The following CAPRIN1 variants were observed in gnomAD, a reference collection of about 807,000 sequenced individuals.
The protein encoded by CAPRIN1 is cell cycle associated protein 1, also known as caprin-1.
In CAPRIN1, 29 loss-of-function variants were observed where a neutral mutation model predicts 100.9. That is an observed-to-expected ratio of 0.29 (90% CI 0.21 to 0.39). The LOEUF (loss-of-function observed/expected upper bound fraction) is 0.39, where lower values mean the gene tolerates loss of function less well. CAPRIN1 is among the 10% of genes least tolerant of loss of function. CAPRIN1 has a pLI of 1.00. For missense variants in CAPRIN1, 795 were observed against 876.7 expected (o/e 0.91, Z 1.18); for synonymous variants, 338 against 307.5 (o/e 1.10, Z -1.04).
intron 6 of CAPRIN1, among the ~76,000 whole-genome samples, chr11:34,079,323 C>T (rs1196290359): frequency 6.6e-6 from 1 of 152,160 alleles, no homozygotes; most frequent in Non-Finnish European, 1.5e-5. Context: ...TTGCTTGAAT[C>T]TGGGAGGCAG....
chr11:34,098,008 G>T (rs1590750190), intron 18 of CAPRIN1: 1 of 1,175,908 alleles, frequency 8.5e-7, no homozygotes, highest in East Asian at 3.8e-5. Context: ...CTCAGAAAAA[G>T]TGTTTTTCCA....
rs1590750569 is a variant in CAPRIN1 at position 34,098,628 on chromosome 11, AAATT to A, written c.2066-671_2066-668del. The A allele has an allele frequency of 3.0e-6, 3 of 985,418 alleles. No homozygotes were observed. In the East Asian group the frequency reaches 3.4e-4, roughly 112 times the overall value. The allele number at this position is 985,418 out of a possible 1,614,324, so 61.0% of individuals were successfully genotyped here. A position where few individuals can be genotyped will look rare whatever the true frequency, so the allele number is the denominator to read the frequency against. ...CCAGGAAAAAGGTACATTTTTCTAA[AAATT>A]AATGGATCACTTGGGAATTACTGAC... On this transcript the variant is annotated intron_variant, in intron 18 of 18. Coordinates refer to ENST00000341394, the MANE Select transcript of CAPRIN1 (RefSeq NM_005898.5).
chr11:34,068,006 A>G (rs1288691731), intron 2 of CAPRIN1, among the ~76,000 whole-genome samples: 1 of 152,184 alleles, frequency 6.6e-6, no homozygotes, highest in East Asian at 1.9e-4. Context: ...TTTCTTATGC[A>G]CAAAGATTCT....
intron 1 of CAPRIN1, 134 bp from the exon 2 acceptor site, chr11:34,052,287 C>G: frequency 1.4e-6 from 1 of 734,918 alleles, no homozygotes; most frequent in Non-Finnish European, 2.2e-6. Context: ...AGGCGCGCCG[C>G]GCCCCCTCCC....
At position 34,076,407 on chromosome 11, in the gene CAPRIN1, G is replaced by A. The variant is rs550457097; in HGVS notation, c.538G>A (p.Glu180Lys). 6 of 1,614,210 alleles carry A rather than the reference G, an allele frequency of 3.7e-6. No individual in the cohort carries two copies. Among genetic ancestry groups the A allele is most frequent in the East Asian group, 2.2e-5 (1 of 44,882 alleles). ...TTTGAATGGAGTGCCAATATTGTCC[G>A]AAGAGGAGTTGTCATTGTTGGATGA... ...QGLNGVPILSEEELSLLDEFY... is the reference protein window; with the variant it reads ...QGLNGVPILSKEELSLLDEFY... Residue 180 changes from glutamate (E) to lysine (K), a missense_variant, in exon 5 of 19, where the codon GAA (glutamate) becomes AAA (lysine). Glu to Lys is a moderately conservative substitution (Grantham distance 56, BLOSUM62 1). This residue lies in a region of CAPRIN1 where 648 missense variants were observed against 697.9 expected (regional missense o/e 0.93). Coordinates refer to ENST00000341394, the MANE Select transcript of CAPRIN1 (RefSeq NM_005898.5).
chr11:34,057,184 C>G (rs1042013573), intron 2 of CAPRIN1, among the ~76,000 whole-genome samples: 2 of 152,182 alleles, frequency 1.3e-5, no homozygotes, highest in Non-Finnish European at 2.9e-5. Flanking sequence ...GATGTGTTTG[C>G]TTTTCCATGG....
At chr11:34,053,036 G>T in intron 2 of CAPRIN1, 1 of 1,039,938 alleles carries the variant, frequency 9.6e-7, no homozygotes, top group East Asian at 1.1e-4. Context: ...TCCCTGCGCG[G>T]GGGGCTCCGG....
At chr11:34,097,033 T>TA (rs1851381235) in intron 16 of CAPRIN1, among the ~76,000 whole-genome samples, 163 bp from the exon 17 acceptor site, 1 of 152,062 alleles carries the variant, frequency 6.6e-6, no homozygotes, top group Non-Finnish European at 1.5e-5. Context: ...AGTTAGTACT[T>TA]ACAGAAATTT....
At chr11:34,053,202 G>C (rs924329195) in intron 2 of CAPRIN1, 1 of 973,634 alleles carries the variant, frequency 1.0e-6, no homozygotes, top group African/African-American at 1.8e-5. Context: ...CTGCCTTTCC[G>C]GCAGGCCCAT....
chr11:34,089,283 CAAAAAAAAAAAA>C (rs547881239), intron 11 of CAPRIN1, 100 bp from the exon 12 acceptor site: 3,385 of 20,792 alleles, frequency 0.16, 88 homozygotes, highest in Middle Eastern at 0.4. Flanking sequence ...CCCCCCCCCG[CAAAAAAAAAAAA>C]AAAAAAAAAA....
At chr11:34,071,809 AT>A in intron 3 of CAPRIN1, 21 bp downstream of exon 3, 1 of 1,490,890 alleles carries the variant, frequency 6.7e-7, no homozygotes, top group Non-Finnish European at 9.3e-7. Flanking sequence ...TATATTTTTT[AT>A]TTTAGACCTA....
Position 34,101,496 on chromosome 11 carries a change from A to C in CAPRIN1, c.*2129A>C, listed in dbSNP as rs999114561. Among the ~76,000 whole-genome samples the C allele has an allele frequency of 5.3e-5, 8 of 152,210 alleles. No individual in the cohort carries two copies. The highest frequency in any genetic ancestry group is 1.9e-4 in the African/African-American group (8 of 41,458). ...AGGGATGGGGGAGAAAATGCCTTCT[A>C]GGTTTTGAACTTCTATGCATTAGTG... On this transcript the variant is annotated 3_prime_UTR_variant, in exon 19 of 19. Coordinates refer to ENST00000341394, the MANE Select transcript of CAPRIN1 (RefSeq NM_005898.5).
chr11:34,090,183 C>T lies in CAPRIN1; in HGVS notation c.1298C>T (p.Pro433Leu). ...TATTTCTTTACTTATGTCTAGGTTC[C>T]TTTGGTATCATCCACAAGTGAGGGG... ...VPVQPEATQV[P>L]LVSSTSEGYT... The change falls in exon 13 of 19, where the codon CCT becomes CTT. Residue 433 changes from proline to leucine, a missense_variant. Around this residue, in one of 3 missense-constraint regions of CAPRIN1, gnomAD observed 648 missense variants for 697.9 expected, o/e 0.93. Coordinates refer to ENST00000341394, the MANE Select transcript of CAPRIN1 (RefSeq NM_005898.5). The T allele has an allele frequency of 1.9e-6, 3 of 1,604,468 alleles. No individual in the cohort carries two copies. In the South Asian group the frequency reaches 3.3e-5, roughly 18 times the overall value.
chr11:34,066,798 G>T (rs1474209752), intron 2 of CAPRIN1, among the ~76,000 whole-genome samples: 3 of 140,258 alleles, frequency 2.1e-5, no homozygotes, highest in African/African-American at 8.0e-5. Context: ...GCTAATTTTT[G>T]TATTTTTTTT....
At chr11:34,098,826 T>C (rs149703424) in intron 18 of CAPRIN1, 58 of 984,314 alleles carry the variant, frequency 5.9e-5, no homozygotes, top group Middle Eastern at 5.2e-4. Context: ...TTGAATGTTA[T>C]GTAGTTTCTT....
intron 2 of CAPRIN1, chr11:34,053,587 GC>G (rs982102673): frequency 2.9e-5 from 4 of 138,812 alleles, no homozygotes; most frequent in Admixed American, 7.7e-5. Flanking sequence ...GCCTCCTTAG[GC>G]CCCCCTCTAA....
rs967966782 is a variant in CAPRIN1 at position 34,101,945 on chromosome 11, T to A, written c.*2578T>A. On this transcript the variant is annotated 3_prime_UTR_variant, in exon 19 of 19. Transcript: ENST00000341394. ...AATCATCTCATGTGGATATGAAACTTCTTTTTTAAAACTTAAAAAGGTAGA... is the reference window on the plus strand; with the variant it reads ...AATCATCTCATGTGGATATGAAACTACTTTTTTAAAACTTAAAAAGGTAGA... 6.6e-6 allele frequency among the ~76,000 whole-genome samples: 1 copy of A among 152,182 alleles called. No individual in the cohort carries two copies. The highest frequency in any genetic ancestry group is 1.5e-5 in the Non-Finnish European group (1 of 68,010).
intron 7 of CAPRIN1, among the ~76,000 whole-genome samples, chr11:34,082,417 G>C (rs560767230): frequency 1.3e-5 from 2 of 152,282 alleles, no homozygotes; most frequent in African/African-American, 4.8e-5. Context: ...TCGAACTCCT[G>C]ACCTGAGGTG....
chr11:34,066,640 T>A (rs889789252), intron 2 of CAPRIN1, among the ~76,000 whole-genome samples: 3 of 148,922 alleles, frequency 2.0e-5, no homozygotes, highest in African/African-American at 7.5e-5. Context: ...CCACCTTTTT[T>A]ATTTATTTAT....
Sources: gnomAD v4.1 joint callset for allele counts (sites outside exome capture counted in the v4.1 genomes callset) on GRCh38, gnomAD v4.1.1 for gene constraint, gnomAD v4.1.1 regional missense constraint, MANE v1.5 for transcripts, NCBI Gene and HGNC (gene_info 2026-07-23, HGNC 2026-07-21) for gene names.